RAB30: variants seen among roughly 807,000 people sequenced by gnomAD.
RAB30 encodes the protein ras-related protein Rab-30.
In RAB30, 9 loss-of-function variants were observed where a neutral mutation model predicts 25.1. That is an observed-to-expected ratio of 0.36 (90% CI 0.22 to 0.63). The LOEUF (loss-of-function observed/expected upper bound fraction) is 0.63, where lower values mean the gene tolerates loss of function less well. RAB30 is among the 20% of genes least tolerant of loss of function. The probability of loss-of-function intolerance (pLI) is 0.69; values close to 1 mark genes in which losing one functional copy is unlikely to be tolerated. For missense variants in RAB30, 140 were observed against 243.5 expected, an observed-to-expected ratio of 0.58 and a Z score of 2.83; for synonymous variants, 77 against 86.4, an observed-to-expected ratio of 0.89 and a Z score of 0.60.
Position 82,973,270 on chromosome 11 carries a change from T to C in RAB30, c.*8895A>G, listed in dbSNP as rs946028223. 6.6e-6 allele frequency: 1 copy of C among 152,228 alleles called. No homozygotes were observed. Among genetic ancestry groups the C allele is most frequent in the African/African-American group, 2.4e-5 (1 of 41,458 alleles). 9.4% of individuals were successfully genotyped at this position (152,228 alleles called of 1,614,324 possible). ...CACACAAAATACATTCTTTTTCTTT[T>C]ACTCTCAGTATGAATTATTTCTTAA... On this transcript the variant is annotated 3_prime_UTR_variant, in exon 5 of 5. Transcript: ENST00000527633.
chr11:83,031,605 G>A (rs551713782), intron 1 of RAB30, among the ~76,000 whole-genome samples: 5 of 149,910 alleles, frequency 3.3e-5, no homozygotes, highest in East Asian at 2.0e-4. Flanking sequence ...TCGGCACACC[G>A]CAACCTCCGT....
At chr11:83,034,691 C>A (rs1857949579) in intron 1 of RAB30, 1 of 152,132 alleles carries the variant, frequency 6.6e-6, no homozygotes, top group Non-Finnish European at 1.5e-5. Context: ...TACTCCAGAA[C>A]CAAGGTGGGA....
chr11:82,985,926 C>T (rs1270713498), intron 4 of RAB30, among the ~76,000 whole-genome samples: 1 of 152,034 alleles, frequency 6.6e-6, no homozygotes, highest in Non-Finnish European at 1.5e-5. Flanking sequence ...CTCAAGCAAT[C>T]CTCCTGCCTC....
At chr11:82,999,012 A>C (rs1289559067) in intron 1 of RAB30, among the ~76,000 whole-genome samples, 2 of 149,992 alleles carry the variant, frequency 1.3e-5, no homozygotes, top group Admixed American at 1.3e-4. Flanking sequence ...TGTAGATTTC[A>C]ATTAATCCTT....
intron 1 of RAB30, among the ~76,000 whole-genome samples, chr11:83,051,566 A>C (rs1858357877): frequency 6.6e-6 from 1 of 152,152 alleles, no homozygotes; most frequent in Non-Finnish European, 1.5e-5. Flanking sequence ...GTGTCTTGGG[A>C]ACACCTAGAA....
chr11:83,013,147 G>A (rs1485918325), intron 1 of RAB30, among the ~76,000 whole-genome samples: 3 of 152,032 alleles, frequency 2.0e-5, no homozygotes, highest in Admixed American at 6.6e-5. Context: ...GCAATGGTGT[G>A]ATTTCGGGTC....
intron 1 of RAB30, 116 bp from the exon 2 acceptor site, chr11:82,997,440 T>G (rs934818029): frequency 9.8e-6 from 7 of 716,674 alleles, no homozygotes; most frequent in Admixed American, 9.1e-5. Context: ...AAGAGCAATT[T>G]AAAGCTCCCC....
chr11:83,022,306 C>T (rs111650532), intron 1 of RAB30, among the ~76,000 whole-genome samples: 2 of 152,134 alleles, frequency 1.3e-5, no homozygotes, highest in Non-Finnish European at 2.9e-5. Context: ...ACTACAAGCA[C>T]ATGCCACCAC....
At chr11:82,998,563 A>C (rs978979266) in intron 1 of RAB30, among the ~76,000 whole-genome samples, 3 of 151,566 alleles carry the variant, frequency 2.0e-5, no homozygotes, top group Non-Finnish European at 4.4e-5. Flanking sequence ...AAAAAAAAAA[A>C]ACCAACCTTG....
chr11:82,989,262 T>C (rs1321075866), intron 3 of RAB30, among the ~76,000 whole-genome samples: 1 of 152,164 alleles, frequency 6.6e-6, no homozygotes, highest in East Asian at 1.9e-4. Context: ...ATGCTGCTGT[T>C]GCCACCAAAG....
chr11:83,029,231 T>C (rs886592699), intron 1 of RAB30, among the ~76,000 whole-genome samples: 32 of 152,116 alleles, frequency 2.1e-4, no homozygotes, highest in African/African-American at 6.3e-4. Flanking sequence ...AAACCCTCTT[T>C]TGTGTTGTGT....
chr11:82,993,305 T>C (rs1344995222), intron 3 of RAB30, among the ~76,000 whole-genome samples: 1 of 152,190 alleles, frequency 6.6e-6, no homozygotes, highest in Non-Finnish European at 1.5e-5. Flanking sequence ...TTCCTATACT[T>C]ATCTATGTGT....
At chr11:83,011,996 A>AGGC (rs1221752867) in intron 1 of RAB30, among the ~76,000 whole-genome samples, 1 of 152,172 alleles carries the variant, frequency 6.6e-6, no homozygotes, top group Non-Finnish European at 1.5e-5. Flanking sequence ...AAATGAGGGG[A>AGGC]GGCTGAGTCT....
chr11:83,025,153 C>A (rs1013569691), intron 1 of RAB30, among the ~76,000 whole-genome samples: 4 of 152,196 alleles, frequency 2.6e-5, no homozygotes, highest in Non-Finnish European at 5.9e-5. Flanking sequence ...ATTGATAATA[C>A]CTTCATATCT....
chr11:82,993,518 C>T (rs908406818), intron 3 of RAB30, among the ~76,000 whole-genome samples: 1 of 152,178 alleles, frequency 6.6e-6, no homozygotes, highest in Non-Finnish European at 1.5e-5. Flanking sequence ...CTTCCAAGTA[C>T]CAAATCATCC....
intron 1 of RAB30, among the ~76,000 whole-genome samples, chr11:83,054,755 T>C (rs59055688): frequency 0.019 from 2,833 of 151,986 alleles, 75 homozygotes; most frequent in East Asian, 0.1. Context: ...TAGCCCCAGC[T>C]ACTCAGGAGG....
intron 1 of RAB30, among the ~76,000 whole-genome samples, chr11:83,066,050 A>G (rs1858689316): frequency 6.6e-6 from 1 of 152,230 alleles, no homozygotes; most frequent in Admixed American, 6.5e-5. Flanking sequence ...GTAGTTCTCA[A>G]AAGTTGGCTT....
At position 82,977,132 on chromosome 11, in the gene RAB30, G is replaced by C. The variant is rs1419380946; in HGVS notation, c.*5033C>G. On this transcript the variant is annotated 3_prime_UTR_variant, in exon 5 of 5. Coordinates refer to ENST00000527633, the MANE Select transcript of RAB30 (RefSeq NM_001286060.2). ...AGAGACACCCATTATTTATTAAACA[G>C]AGCAAGGCCTATGTTTAGCAAGTGA... 6.6e-6 allele frequency: 1 copy of C among 152,198 alleles called. No individual in the cohort carries two copies. The highest frequency in any genetic ancestry group is 1.5e-5 in the Non-Finnish European group (1 of 68,040). The allele number at this position is 152,198 out of a possible 1,614,324, so 9.4% of individuals were successfully genotyped here. A position where few individuals can be genotyped will look rare whatever the true frequency, so the allele number is the denominator to read the frequency against.
intron 1 of RAB30, among the ~76,000 whole-genome samples, chr11:82,999,829 C>T (rs1440129027): frequency 6.6e-6 from 1 of 152,068 alleles, no homozygotes; most frequent in Non-Finnish European, 1.5e-5. Context: ...GGCCTCCCTG[C>T]TCTAGGCTCC....
Sources: allele counts gnomAD v4.1 joint callset (sites outside exome capture counted in the v4.1 genomes callset), GRCh38; gene constraint gnomAD v4.1.1; transcripts MANE v1.5; gene names NCBI Gene and HGNC (gene_info 2026-07-23, HGNC 2026-07-21).